The following DROSHA variants were observed in gnomAD, a reference collection of about 807,000 sequenced individuals.
DROSHA encodes drosha ribonuclease III, also known as ribonuclease 3.
Under a neutral mutation model 181.9 loss-of-function variants are expected in DROSHA, and 56 were observed. The ratio of observed to expected loss-of-function variants is 0.31; its 90% CI spans 0.25 to 0.38. The LOEUF is 0.38. Among genes scored for constraint, DROSHA ranks in the 10% least tolerant of loss-of-function variants. DROSHA has a pLI of 1.00. For synonymous variants in DROSHA, 524 were observed against 591.2 expected (o/e 0.89, Z 1.65); for missense variants, 1,218 against 1,743.5 (o/e 0.70, Z 5.37).
chr5:31,488,609 T>C (rs1752057298), intron 13 of DROSHA, among the ~76,000 whole-genome samples: 1 of 152,144 alleles, frequency 6.6e-6, no homozygotes, highest in Non-Finnish European at 1.5e-5. Flanking sequence ...ATATGAACTC[T>C]ATTATGTAGC....
At chr5:31,430,808 A>G (rs982317863) in intron 26 of DROSHA, among the ~76,000 whole-genome samples, 3 of 152,188 alleles carry the variant, frequency 2.0e-5, no homozygotes, top group Admixed American at 6.5e-5. Context: ...TGAAACTACA[A>G]TGGGAAGCTT....
chr5:31,525,947 C>T, intron 5 of DROSHA, 132 bp downstream of exon 5: 2 of 931,628 alleles, frequency 2.1e-6, no homozygotes, highest in East Asian at 2.6e-5. Flanking sequence ...AAAACAGAGT[C>T]CAAAATGTGC....
chr5:31,466,765 A>G (rs982334425), intron 18 of DROSHA, among the ~76,000 whole-genome samples: 8 of 152,202 alleles, frequency 5.3e-5, no homozygotes, highest in African/African-American at 1.9e-4. Flanking sequence ...CCAAAACCCA[A>G]GCTACATAGC....
At chr5:31,485,021 G>T in intron 14 of DROSHA, 59 bp from the exon 15 acceptor site, 2 of 1,143,318 alleles carry the variant, frequency 1.7e-6, no homozygotes, top group South Asian at 1.4e-5. Flanking sequence ...TTAACTGAAG[G>T]TTCAACTTGT....
At chr5:31,496,746 ATC>A (rs1753031948) in intron 11 of DROSHA, among the ~76,000 whole-genome samples, 1 of 152,130 alleles carries the variant, frequency 6.6e-6, no homozygotes, top group Non-Finnish European at 1.5e-5. Context: ...GTCATGAGAG[ATC>A]TTACCATCTT....
At chr5:31,494,059 C>T (rs957514013) in intron 12 of DROSHA, among the ~76,000 whole-genome samples, 2 of 151,868 alleles carry the variant, frequency 1.3e-5, no homozygotes, top group African/African-American at 2.4e-5. Flanking sequence ...GACTCTGCCT[C>T]CCAGCTTCCA....
intron 5 of DROSHA, among the ~76,000 whole-genome samples, chr5:31,521,726 C>T (rs562363821): frequency 2.2e-4 from 33 of 151,958 alleles, no homozygotes; most frequent in African/African-American, 8.0e-4. Context: ...TGCCATGAGG[C>T]CATGACTAAG....
Position 31,409,443 on chromosome 5 carries a change from C to T in DROSHA, c.3668-111G>A. 1.1e-6 allele frequency: 1 copy of T among 926,210 alleles called. No homozygotes were observed. Among genetic ancestry groups the T allele is most frequent in the African/African-American group, 1.7e-5 (1 of 59,492 alleles). The allele number at this position is 926,210 out of a possible 1,614,324, so 57.4% of individuals were successfully genotyped here. A position where few individuals can be genotyped will look rare whatever the true frequency, so the allele number is the denominator to read the frequency against. On this transcript the variant is annotated intron_variant, in intron 31 of 35. Transcript: ENST00000344624. This position sits in a 1 kb window ranked among gnomAD's most constrained non-coding sequence, Gnocchi z 4.0. ...TTTAGTAATAGTTTCAACTTCCAGG[C>T]CCTCTTTATTTTTCAGTGCTACCAT...
chr5:31,441,564 T>A (rs1745604519), intron 23 of DROSHA, among the ~76,000 whole-genome samples: 2 of 152,082 alleles, frequency 1.3e-5, no homozygotes, highest in South Asian at 2.1e-4. Flanking sequence ...ACAAAAAAAA[T>A]TTTCAAAACT....
chr5:31,500,900 T>C (rs1753510116), intron 11 of DROSHA, among the ~76,000 whole-genome samples: 1 of 152,112 alleles, frequency 6.6e-6, no homozygotes, highest in South Asian at 2.1e-4. Context: ...CCAGTAAGAG[T>C]ACTACTTAGT....
intron 18 of DROSHA, chr5:31,466,588 C>A: frequency 4.2e-6 from 1 of 235,590 alleles, no homozygotes. Context: ...CCAAAGGAAT[C>A]ATCCTGTTTC....
chr5:31,451,350 A>C (rs1747015151), intron 21 of DROSHA, among the ~76,000 whole-genome samples, 183 bp downstream of exon 21: 1 of 152,232 alleles, frequency 6.6e-6, no homozygotes, highest in African/African-American at 2.4e-5. Context: ...ACGGTCTCAC[A>C]TAAATGTAAG....
chr5:31,504,683 C>T (rs373385066), intron 10 of DROSHA, 48 bp from the exon 11 acceptor site: 1 of 1,602,632 alleles, frequency 6.2e-7, no homozygotes, highest in Non-Finnish European at 8.5e-7. Flanking sequence ...GAAAAATCCA[C>T]ACCATGCACG....
chr5:31,474,436 C>T lies in DROSHA; in HGVS notation c.2072-2204G>A, dbSNP rs571733944. On this transcript the variant is annotated intron_variant, in intron 16 of 35. Coordinates refer to ENST00000344624, the MANE Select transcript of DROSHA (RefSeq NM_001382508.1). ...GGAGTGCAGTGATGCCATCACGGCT[C>T]ATCGCAGCCTCAACCTCCTGGGCTC... is the stretch of plus-strand genomic sequence containing the variant. 1.2e-4 allele frequency among the ~76,000 whole-genome samples: 18 copies of T among 152,206 alleles called. No individual in the cohort carries two copies. In the South Asian group the frequency reaches 1.7e-3, roughly 14 times the overall value.
chr5:31,408,812 C>T lies in DROSHA; in HGVS notation c.3854+244G>A, dbSNP rs956325845. 5 of 393,010 alleles carry T rather than the reference C, an allele frequency of 1.3e-5. No homozygotes were observed. In the Admixed American group the frequency reaches 1.7e-4, roughly 13 times the overall value. The allele number at this position is 393,010 out of a possible 1,614,324, so 24.3% of individuals were successfully genotyped here. A position where few individuals can be genotyped will look rare whatever the true frequency, so the allele number is the denominator to read the frequency against. ...TTGGTCTCCCTCCCAGGCAGTAGTT[C>T]ACAGAGATTTTTAGAAATGGGAGAG... On this transcript the variant is annotated intron_variant, in intron 33 of 35. Transcript: ENST00000344624.
At chr5:31,513,509 A>C (rs1194019744) in intron 8 of DROSHA, among the ~76,000 whole-genome samples, 1 of 152,218 alleles carries the variant, frequency 6.6e-6, no homozygotes, top group East Asian at 1.9e-4. Context: ...CAGGCACCGT[A>C]AAGTGCACAG....
chr5:31,494,860 G>T (rs541687879), intron 12 of DROSHA, among the ~76,000 whole-genome samples: 2 of 151,714 alleles, frequency 1.3e-5, no homozygotes, highest in African/African-American at 4.8e-5. Context: ...ATTTTTAGTA[G>T]AGATGGGGTT....
intron 18 of DROSHA, chr5:31,467,328 TGTTTAGCAAGGTAG>T (rs1749191837): frequency 6.6e-6 from 1 of 151,388 alleles, no homozygotes. Context: ...GCTGTTTGTG[TGTTTAGCAAGGTAG>T]GAAATCCAAA....
intron 20 of DROSHA, among the ~76,000 whole-genome samples, chr5:31,452,478 A>T (rs1747146269): frequency 6.6e-6 from 1 of 152,190 alleles, no homozygotes; most frequent in South Asian, 2.1e-4. Context: ...ATTTCATGGA[A>T]GTCATATCTT....
Sources: gnomAD v4.1 joint callset for allele counts (sites outside exome capture counted in the v4.1 genomes callset) on GRCh38, gnomAD v4.1.1 for gene constraint, Gnocchi (gnomAD v3.1) non-coding constraint, MANE v1.5 for transcripts, NCBI Gene and HGNC (gene_info 2026-07-23, HGNC 2026-07-21) for gene names.